Variants in CERS6 observed in about 807,000 individuals in gnomAD.
The protein encoded by CERS6 is ceramide synthase 6, also known as LAG1 homolog, ceramide synthase 6.
In CERS6, 26 loss-of-function variants were observed where a neutral mutation model predicts 56.8. That is an observed-to-expected ratio of 0.46 (90% CI 0.34 to 0.63). The LOEUF is 0.63. Ranked by LOEUF, CERS6 falls within the 30% of genes least tolerant of loss-of-function variation. The probability of loss-of-function intolerance (pLI) is 0.01; values close to 1 mark genes in which losing one functional copy is unlikely to be tolerated. For synonymous variants in CERS6, 164 were observed against 173.3 expected, an observed-to-expected ratio of 0.95 and a Z score of 0.42; for missense variants, 415 against 467.5, an observed-to-expected ratio of 0.89 and a Z score of 1.04.
At chr2:168,540,134 C>A (rs1334707393) in intron 1 of CERS6, among the ~76,000 whole-genome samples, 1 of 151,348 alleles carries the variant, frequency 6.6e-6, no homozygotes, top group Non-Finnish European at 1.5e-5. Flanking sequence ...TTTTGCTGAA[C>A]ATAGAATTTT....
chr2:168,582,171 C>T (rs1683429320), intron 3 of CERS6, among the ~76,000 whole-genome samples: 1 of 152,214 alleles, frequency 6.6e-6, no homozygotes, highest in African/African-American at 2.4e-5. Context: ...ATGGCACACA[C>T]TCATCCTATG....
At chr2:168,765,479 A>AGAG in intron 8 of CERS6, 113 bp from the exon 9 acceptor site, 1 of 1,044,438 alleles carries the variant, frequency 9.6e-7, no homozygotes, top group South Asian at 2.2e-5. Flanking sequence ...ATCCTGCCAG[A>AGAG]GAGGGGGTAG....
intron 8 of CERS6, among the ~76,000 whole-genome samples, chr2:168,746,803 A>G (rs1018859094): frequency 9.0e-6 from 1 of 111,352 alleles, no homozygotes; most frequent in African/African-American, 3.8e-5. Context: ...ATATATATAT[A>G]TATATATATA....
intron 3 of CERS6, among the ~76,000 whole-genome samples, chr2:168,563,685 T>C (rs2893095): frequency 0.024 from 3,720 of 152,156 alleles, 146 homozygotes; most frequent in East Asian, 0.18. Context: ...CAGTCCCAGC[T>C]ACTCGGGAGG....
intron 1 of CERS6, among the ~76,000 whole-genome samples, chr2:168,468,819 C>A (rs764925226): frequency 1.3e-5 from 2 of 152,056 alleles, no homozygotes; most frequent in African/African-American, 4.8e-5. Context: ...GATGTTGATT[C>A]TTCTTCTTGT....
At chr2:168,567,765 G>GTGA (rs1260823780) in intron 3 of CERS6, among the ~76,000 whole-genome samples, 1 of 152,216 alleles carries the variant, frequency 6.6e-6, no homozygotes, top group African/African-American at 2.4e-5. Context: ...ATAGAAAAAT[G>GTGA]TGAATAGTTC....
At chr2:168,628,044 C>G (rs949774727) in intron 3 of CERS6, among the ~76,000 whole-genome samples, 2 of 152,114 alleles carry the variant, frequency 1.3e-5, no homozygotes, top group Admixed American at 1.3e-4. Context: ...TATTGACTTA[C>G]AACTTTCTGT....
intron 3 of CERS6, among the ~76,000 whole-genome samples, chr2:168,565,823 T>C (rs1461085325): frequency 6.6e-6 from 1 of 152,208 alleles, no homozygotes; most frequent in Non-Finnish European, 1.5e-5. Context: ...TATTGGCAAC[T>C]GAAATAGAGA....
intron 1 of CERS6, among the ~76,000 whole-genome samples, chr2:168,498,522 C>T (rs923666360): frequency 1.3e-5 from 2 of 152,236 alleles, no homozygotes; most frequent in South Asian, 4.1e-4. Context: ...TATGGGGGAG[C>T]TATGAATATT....
rs150724635 is a variant in CERS6, at chr2:168,520,598, CTTTTTTTTTTTT to C, written c.171-26980_171-26969del. ...TTAACTCTTTAACATTTACAATATC[CTTTTTTTTTTTT>C]TTTTTTTTTTTTTTTTTGAGAAGCA... On this transcript the variant is annotated intron_variant, in intron 1 of 9. Coordinates refer to ENST00000305747, the MANE Select transcript of CERS6 (RefSeq NM_203463.3). Among the ~76,000 whole-genome samples, 41 of 57,898 alleles carry C rather than the reference CTTTTTTTTTTTT, an allele frequency of 7.1e-4. 2 individuals carry two copies. Among genetic ancestry groups the C allele is most frequent in the African/African-American group, 2.0e-3 (35 of 17,608 alleles). 38.0% of individuals were successfully genotyped at this position (57,898 alleles called of 152,430 possible).
At chr2:168,742,612 A>C (rs1683948181) in intron 8 of CERS6, among the ~76,000 whole-genome samples, 1 of 152,232 alleles carries the variant, frequency 6.6e-6, no homozygotes, top group Admixed American at 6.5e-5. Flanking sequence ...ATTGTGGGCA[A>C]ATATCTAAAA....
At chr2:168,664,598 A>G (rs1464786532) in intron 4 of CERS6, among the ~76,000 whole-genome samples, 1 of 152,084 alleles carries the variant, frequency 6.6e-6, no homozygotes, top group African/African-American at 2.4e-5. Context: ...CAAGGGGTGG[A>G]TTATTCGTGG....
At chr2:168,750,355 A>C (rs1277754064) in intron 8 of CERS6, among the ~76,000 whole-genome samples, 1 of 152,246 alleles carries the variant, frequency 6.6e-6, no homozygotes, top group Non-Finnish European at 1.5e-5. Context: ...TCATTATAGA[A>C]ATTTTGTAGA....
chr2:168,478,347 G>T (rs1439955977), intron 1 of CERS6, among the ~76,000 whole-genome samples: 1 of 152,096 alleles, frequency 6.6e-6, no homozygotes, highest in Non-Finnish European at 1.5e-5. Flanking sequence ...GCTGGGGCTG[G>T]GGAGAGCAGT....
At chr2:168,737,569 T>C (rs770085780) in intron 8 of CERS6, among the ~76,000 whole-genome samples, 28 of 152,234 alleles carry the variant, frequency 1.8e-4, no homozygotes, top group Non-Finnish European at 3.1e-4. Context: ...AAATTACCCA[T>C]GCTTATGACT....
At chr2:168,527,984 A>C (rs1047738447) in intron 1 of CERS6, among the ~76,000 whole-genome samples, 11 of 151,912 alleles carry the variant, frequency 7.2e-5, no homozygotes, top group African/African-American at 9.7e-5. Context: ...ACCTTCCAAA[A>C]ATGCTGGGAT....
At chr2:168,519,680 C>G (rs1208801093) in intron 1 of CERS6, among the ~76,000 whole-genome samples, 1 of 152,178 alleles carries the variant, frequency 6.6e-6, no homozygotes, top group African/African-American at 2.4e-5. Context: ...ATAATGCCCT[C>G]CAGCTACATC....
chr2:168,750,376 C>A (rs1349247037), intron 8 of CERS6, among the ~76,000 whole-genome samples: 2 of 152,142 alleles, frequency 1.3e-5, no homozygotes, highest in African/African-American at 4.8e-5. Flanking sequence ...AAAATTAAAA[C>A]CACAAAGAAG....
intron 4 of CERS6, among the ~76,000 whole-genome samples, chr2:168,679,861 C>T (rs1454820625): frequency 6.6e-6 from 1 of 152,152 alleles, no homozygotes; most frequent in Non-Finnish European, 1.5e-5. Flanking sequence ...TTTCACTGAT[C>T]CACATTGTTC....
Sources: gnomAD v4.1 joint callset for allele counts (sites outside exome capture counted in the v4.1 genomes callset) on GRCh38, gnomAD v4.1.1 for gene constraint, MANE v1.5 for transcripts, NCBI Gene and HGNC (gene_info 2026-07-23, HGNC 2026-07-21) for gene names.